FILIP1: variants seen among roughly 807,000 people sequenced by gnomAD.
FILIP1 encodes filamin A interacting protein 1, also known as filamin-A-interacting protein 1.
Under a neutral mutation model 102.1 loss-of-function variants are expected in FILIP1, and 61 were observed. The ratio of observed to expected loss-of-function variants is 0.60; its 90% CI spans 0.49 to 0.74. The LOEUF (loss-of-function observed/expected upper bound fraction) is 0.74, where lower values mean the gene tolerates loss of function less well. Among genes scored for constraint, FILIP1 ranks in the 30% least tolerant of loss-of-function variants. The pLI, the probability that FILIP1 is intolerant of heterozygous loss-of-function variation, is 0.00. For missense variants in FILIP1, 1,314 were observed against 1,441.2 expected, an observed-to-expected ratio of 0.91 and a Z score of 1.43; for synonymous variants, 491 against 526.9, an observed-to-expected ratio of 0.93 and a Z score of 0.93.
At chr6:75,373,893 C>CAGCT (rs1402303260) in intron 2 of FILIP1, among the ~76,000 whole-genome samples, 1 of 152,080 alleles carries the variant, frequency 6.6e-6, no homozygotes, top group Non-Finnish European at 1.5e-5. Context: ...CCTGTATTCC[C>CAGCT]AGCTACCTGG....
chr6:75,415,008 T>C, intron 1 of FILIP1, 30 bp from the exon 2 acceptor site: 2 of 1,586,506 alleles, frequency 1.3e-6, no homozygotes, highest in Non-Finnish European at 1.7e-6. Flanking sequence ...AAAGATAAGA[T>C]GTTCTTTACC....
chr6:75,347,455 T>C (rs1774629670), intron 4 of FILIP1, among the ~76,000 whole-genome samples: 3 of 152,230 alleles, frequency 2.0e-5, no homozygotes, highest in African/African-American at 7.2e-5. Flanking sequence ...TGGATTACTT[T>C]CTGCTTGTTA....
intron 1 of FILIP1, among the ~76,000 whole-genome samples, chr6:75,445,306 G>A (rs1408949908): frequency 6.6e-6 from 1 of 152,014 alleles, no homozygotes; most frequent in Non-Finnish European, 1.5e-5. Context: ...GCTTTTCAAG[G>A]TCTTTATACT....
intron 4 of FILIP1, 87 bp downstream of exon 4, chr6:75,353,452 G>A (rs1774878340): frequency 6.9e-7 from 1 of 1,448,126 alleles, no homozygotes; most frequent in African/African-American, 1.4e-5. Context: ...CGATGCCCCT[G>A]GCTGAAAGAC....
At chr6:75,337,257 A>G (rs150331951) in intron 4 of FILIP1, among the ~76,000 whole-genome samples, 1 of 152,306 alleles carries the variant, frequency 6.6e-6, no homozygotes, top group African/African-American at 2.4e-5. Flanking sequence ...TCTAAAAACA[A>G]TTATAACTTT....
chr6:75,470,324 G>C (rs1443962019), intron 1 of FILIP1, among the ~76,000 whole-genome samples: 1 of 152,128 alleles, frequency 6.6e-6, no homozygotes, highest in African/African-American at 2.4e-5. Context: ...CAATACACAA[G>C]TAGTTTGAAG....
chr6:75,372,621 A>AAAAGAAGAAAGAAAG (rs1775563374), intron 2 of FILIP1, among the ~76,000 whole-genome samples: 1 of 42,230 alleles, frequency 2.4e-5, no homozygotes, highest in Admixed American at 3.6e-4. Context: ...GAAAGAAAGA[A>AAAAGAAGAAAGAAAG]AAAGAAAGAA....
At chr6:75,451,311 TATA>T (rs1778624728) in intron 1 of FILIP1, among the ~76,000 whole-genome samples, 1 of 149,600 alleles carries the variant, frequency 6.7e-6, no homozygotes, top group Admixed American at 6.7e-5. Context: ...TTATCATTAA[TATA>T]ATAATCAAAA....
chr6:75,480,965 CTTG>C (rs1449896151), intron 1 of FILIP1, among the ~76,000 whole-genome samples: 5 of 152,348 alleles, frequency 3.3e-5, no homozygotes, highest in East Asian at 1.9e-4. Flanking sequence ...GCTATGTAGA[CTTG>C]TTGTAACAAA....
intron 4 of FILIP1, among the ~76,000 whole-genome samples, chr6:75,332,297 A>T (rs1369766119): frequency 6.6e-6 from 1 of 152,090 alleles, no homozygotes; most frequent in Non-Finnish European, 1.5e-5. Flanking sequence ...TCAAACACCC[A>T]CTCCAATTGG....
intron 1 of FILIP1, among the ~76,000 whole-genome samples, chr6:75,464,890 A>T (rs1006806392): frequency 4.6e-5 from 7 of 152,064 alleles, no homozygotes; most frequent in African/African-American, 1.7e-4. Context: ...TCACATCCAC[A>T]TCCAACCCAT....
chr6:75,388,153 T>C (rs1776162170), intron 2 of FILIP1, among the ~76,000 whole-genome samples: 1 of 152,202 alleles, frequency 6.6e-6, no homozygotes. Flanking sequence ...CTTTCCCCAT[T>C]GCTTGTTTTT....
At chr6:75,307,110 A>G (rs1773011029), downstream of FILIP1, among the ~76,000 whole-genome samples, 3 of 152,130 alleles carry the variant, frequency 2.0e-5, no homozygotes, top group Non-Finnish European at 4.4e-5. Flanking sequence ...GCTACTCAAC[A>G]TTTTGTAATA....
intron 1 of FILIP1, among the ~76,000 whole-genome samples, chr6:75,484,443 GTA>G (rs1779729362): frequency 6.6e-6 from 1 of 150,526 alleles, no homozygotes; most frequent in Non-Finnish European, 1.5e-5. Context: ...TACTTTTAAA[GTA>G]CTGTCTTTTA....
intron 2 of FILIP1, among the ~76,000 whole-genome samples, chr6:75,392,421 T>C (rs1776305101): frequency 6.6e-6 from 1 of 152,168 alleles, no homozygotes; most frequent in Admixed American, 6.6e-5. Context: ...TCTAAGCATC[T>C]GAAACTTCCT....
chr6:75,322,002 A>C (rs1010493516), intron 4 of FILIP1, among the ~76,000 whole-genome samples: 2 of 152,156 alleles, frequency 1.3e-5, no homozygotes, highest in Admixed American at 6.5e-5. Context: ...GAAACACAGG[A>C]GCACCCAAGG....
intron 1 of FILIP1, among the ~76,000 whole-genome samples, chr6:75,428,752 T>C (rs1281352496): frequency 1.3e-5 from 2 of 152,184 alleles, no homozygotes; most frequent in African/African-American, 4.8e-5. Flanking sequence ...TGCTTGAGAG[T>C]TTAGACTTGT....
At chr6:75,401,620 G>A (rs1776661848) in intron 2 of FILIP1, among the ~76,000 whole-genome samples, 1 of 152,118 alleles carries the variant, frequency 6.6e-6, no homozygotes, top group South Asian at 2.1e-4. Context: ...CAAACCACAT[G>A]TGTCTAATGG....
intron 2 of FILIP1, among the ~76,000 whole-genome samples, chr6:75,391,704 A>G (rs552266110): frequency 6.6e-6 from 1 of 152,230 alleles, no homozygotes; most frequent in East Asian, 1.9e-4. Context: ...TTCCCTCCAT[A>G]TTAGCTCATT....
Sources: gnomAD v4.1 joint callset for allele counts (sites outside exome capture counted in the v4.1 genomes callset) on GRCh38, gnomAD v4.1.1 for gene constraint, MANE v1.5 for transcripts, NCBI Gene and HGNC (gene_info 2026-07-23, HGNC 2026-07-21) for gene names.